FLACC1: variants seen among roughly 807,000 people sequenced by gnomAD.
FLACC1 encodes the protein flagellum-associated coiled-coil domain-containing protein 1.
Under a neutral mutation model 62.8 loss-of-function variants are expected in FLACC1, and 66 were observed. The ratio of observed to expected loss-of-function variants is 1.05; its 90% confidence interval spans 0.86 to 1.29. FLACC1 has a LOEUF of 1.29. Ranked by LOEUF, FLACC1 falls within the 50% of genes most tolerant of loss-of-function variation. FLACC1 has a pLI of 0.00. For missense variants in FLACC1, 452 were observed against 489.1 expected (o/e 0.92, Z 0.71); for synonymous variants, 156 against 161.0 (o/e 0.97, Z 0.24).
At chr2:201,305,014 T>C (rs1210447046) in intron 11 of FLACC1, among the ~76,000 whole-genome samples, 1 of 152,196 alleles carries the variant, frequency 6.6e-6, no homozygotes, top group Non-Finnish European at 1.5e-5. Context: ...ATTCAGGACA[T>C]AGGCATGGGC....
rs181920173 is a variant in FLACC1, at chr2:201,299,932, G to A, written c.880-632C>T. Among the ~76,000 whole-genome samples, 73 of 152,256 alleles carry A rather than the reference G, an allele frequency of 4.8e-4. 2 individuals carry two copies. Among genetic ancestry groups the A allele is most frequent in the Admixed American group, 3.7e-3 (56 of 15,300 alleles). On this transcript the variant is annotated intron_variant, in intron 11 of 14. Transcript: ENST00000392257. ...GACTGGGTAATTTATAAAGAAAAGA[G>A]GTTTAGGGGGAGTTTCCAAGATGGC...
At chr2:201,331,745 G>T (rs1268725660) in intron 7 of FLACC1, among the ~76,000 whole-genome samples, 2 of 152,178 alleles carry the variant, frequency 1.3e-5, no homozygotes, top group African/African-American at 2.4e-5. Flanking sequence ...GATTTTTAGG[G>T]CAGTGAAACT....
chr2:201,343,532 C>G (rs1377495909), intron 6 of FLACC1, among the ~76,000 whole-genome samples: 1 of 152,178 alleles, frequency 6.6e-6, no homozygotes, highest in East Asian at 1.9e-4. Flanking sequence ...GGGTGAGAGG[C>G]TGCCTTCTGG....
intron 7 of FLACC1, among the ~76,000 whole-genome samples, chr2:201,333,617 G>A (rs10931942): frequency 0.49 from 70,685 of 143,370 alleles, 17,369 homozygotes; most frequent in South Asian, 0.73. Flanking sequence ...ATGTGTTCTC[G>A]TTGTTCAATT....
upstream of FLACC1, among the ~76,000 whole-genome samples, chr2:201,358,834 T>A (rs571761915): frequency 1.3e-5 from 2 of 152,330 alleles, no homozygotes; most frequent in South Asian, 4.1e-4. Context: ...GTGCTGGGAT[T>A]ACAGGTGTAA....
intron 14 of FLACC1, 30 bp from the exon 15 acceptor site, chr2:201,288,811 G>A (rs1949653798): frequency 6.2e-7 from 1 of 1,608,574 alleles, no homozygotes; most frequent in Non-Finnish European, 8.5e-7. Context: ...ATGTATCAAT[G>A]TCAACTCAAA....
chr2:201,350,586 C>T (rs1206275593), intron 3 of FLACC1, 125 bp downstream of exon 3: 10 of 766,290 alleles, frequency 1.3e-5, no homozygotes, highest in Non-Finnish European at 2.1e-5. Context: ...GAGGCTGAGG[C>T]AGGAGAATCG....
chr2:201,339,552 C>T (rs1950764366), intron 7 of FLACC1, among the ~76,000 whole-genome samples: 1 of 151,582 alleles, frequency 6.6e-6, no homozygotes. Flanking sequence ...TATAAACTTC[C>T]CTCTTAGCAC....
rs545815876 is a variant in FLACC1 at position 201,303,925 on chromosome 2, T to C, written c.879+3594A>G. Among the ~76,000 whole-genome samples the C allele has an allele frequency of 8.5e-5, 13 of 152,316 alleles. No individual in the cohort carries two copies. The South Asian group carries it at 2.3e-3, about 27-fold the overall frequency. ...CAATAAATTAGGTATTGATGGGACG[T>C]ATCTCAAAATAATAAGAGCTACCTA... is the stretch of plus-strand genomic sequence containing the variant. On this transcript the variant is annotated intron_variant, in intron 11 of 14. Coordinates refer to ENST00000392257, the MANE Select transcript of FLACC1 (RefSeq NM_001127391.3).
At chr2:201,298,132 A>ACAC (rs1436332042) in intron 12 of FLACC1, among the ~76,000 whole-genome samples, 2 of 152,198 alleles carry the variant, frequency 1.3e-5, no homozygotes. Flanking sequence ...AAGGCTGGGA[A>ACAC]TAGTTCATGG....
At chr2:201,330,016 C>G (rs1316560364) in intron 9 of FLACC1, among the ~76,000 whole-genome samples, 2 of 152,054 alleles carry the variant, frequency 1.3e-5, no homozygotes, top group Non-Finnish European at 2.9e-5. Context: ...AATTTTAGAA[C>G]CCAATGGCAA....
At chr2:201,358,517 C>G (rs1016414780), upstream of FLACC1, among the ~76,000 whole-genome samples, 3 of 149,500 alleles carry the variant, frequency 2.0e-5, no homozygotes, top group Non-Finnish European at 4.5e-5. Context: ...CCCGGGTTCA[C>G]GCCATTCTCC....
chr2:201,350,774 G>C lies in FLACC1; in HGVS notation c.122C>G (p.Pro41Arg). The C allele has an allele frequency of 6.2e-7, 1 of 1,612,124 alleles. No homozygotes were observed. Among genetic ancestry groups the C allele is most frequent in the South Asian group, 1.1e-5 (1 of 90,976 alleles). The change falls in exon 3 of 15, where the codon CCT becomes CGT. Residue 41 changes from proline to arginine, a missense_variant. By Grantham distance (103) the Pro-to-Arg change is moderately radical (BLOSUM62 -2). Transcript: ENST00000392257. ...GTGATTTTTTGGAGCTGGTACAAGA[G>C]GAGTTAGCCTGAAAGTGAAAAACAA... ...KNSTGSSKLT[P>R]LVPAPKNHNY...
rs57189601 is a variant in FLACC1 at position 201,341,486 on chromosome 2, TAC to T, written c.524+882_524+883del. On this transcript the variant is annotated intron_variant, in intron 7 of 14. Transcript: ENST00000392257. ...TTACACATAATTTTTACTATATATA[TAC>T]ACTCACACTACACAAGCATATATAT... Among the ~76,000 whole-genome samples, 1,369 of 149,914 alleles carry T rather than the reference TAC, an allele frequency of 9.1e-3. 28 individuals carry two copies. The highest frequency in any genetic ancestry group is 0.032 in the African/African-American group (1,314 of 41,052).
rs1950923709 is a variant in FLACC1, at chr2:201,346,736, T to A, written c.235-61A>T. The A allele has an allele frequency of 5.5e-6, 8 of 1,460,536 alleles. 1 individual carries two copies. The highest frequency in any genetic ancestry group is 3.7e-5 in the Admixed American group (2 of 54,648). 90.5% of individuals were successfully genotyped at this position (1,460,536 alleles called of 1,614,324 possible). On this transcript the variant is annotated intron_variant, in intron 4 of 14. Transcript: ENST00000392257. This position sits in a 1 kb window ranked among gnomAD's most constrained non-coding sequence, Gnocchi z 4.0. The stretch of plus-strand genomic sequence containing the variant: ...CTTGGAGTGCTGAGATTTTTCCAAA[T>A]CTTCTCTTATTGCCTCACTCACATC...
chr2:201,306,996 C>T (rs1335215786), intron 11 of FLACC1, among the ~76,000 whole-genome samples: 2 of 152,158 alleles, frequency 1.3e-5, no homozygotes, highest in Non-Finnish European at 1.5e-5. Context: ...TTCATGCCCA[C>T]TGGAATGGCC....
chr2:201,288,682 A>G lies in FLACC1; in HGVS notation c.1242T>C (p.Asp414=). 6.2e-7 allele frequency: 1 copy of G among 1,614,096 alleles called. No individual in the cohort carries two copies. The highest frequency in any genetic ancestry group is 8.5e-7 in the Non-Finnish European group (1 of 1,180,002). ...ATGATTCTTGTCCTTTCTTGCTACC[A>G]TCTTGCACAGTGTCAGAATCATCCT... ...VSKDDSDTVQ[D]GSKKGQES is the part of the protein sequence containing the mutation. The change falls in exon 15 of 15, where the codon GAT becomes GAC. Residue 414 remains aspartate (D), a synonymous_variant. Transcript: ENST00000392257.
intron 9 of FLACC1, among the ~76,000 whole-genome samples, chr2:201,322,059 AGGG>A (rs1950413327): frequency 6.6e-6 from 1 of 152,170 alleles, no homozygotes; most frequent in Non-Finnish European, 1.5e-5. Context: ...ACTTGAGGTC[AGGG>A]GTTCGAGACC....
chr2:201,330,613 AC>A, intron 8 of FLACC1, 91 bp from the exon 9 acceptor site: 1 of 1,522,470 alleles, frequency 6.6e-7, no homozygotes, highest in South Asian at 1.2e-5. Flanking sequence ...CACCTTCCCC[AC>A]CCCAAACTCA....
Sources: allele counts gnomAD v4.1 joint callset (sites outside exome capture counted in the v4.1 genomes callset), GRCh38; gene constraint gnomAD v4.1.1; non-coding constraint Gnocchi (gnomAD v3.1); transcripts MANE v1.5; gene names NCBI Gene and HGNC (gene_info 2026-07-23, HGNC 2026-07-21).